The following NRXN3 variants were observed in gnomAD, a reference collection of about 807,000 sequenced individuals.
The protein encoded by NRXN3 is neurexin 3.
NRXN3 carries 32 observed loss-of-function variants against 137.6 expected under a neutral mutation model. The ratio of observed to expected loss-of-function variants is 0.23; its 90% CI spans 0.18 to 0.31. The LOEUF (loss-of-function observed/expected upper bound fraction) is 0.31, where lower values mean the gene tolerates loss of function less well. NRXN3 is among the 10% of genes least tolerant of loss of function. The pLI, the probability that NRXN3 is intolerant of heterozygous loss-of-function variation, is 1.00. For synonymous variants in NRXN3, 798 were observed against 784.5 expected, an observed-to-expected ratio of 1.02 and a Z score of -0.29; for missense variants, 1,574 against 2,062.5, an observed-to-expected ratio of 0.76 and a Z score of 4.59.
intron 4 of NRXN3, among the ~76,000 whole-genome samples, chr14:78,468,411 A>G (rs1200267539): frequency 6.6e-6 from 1 of 152,070 alleles, no homozygotes; most frequent in African/African-American, 2.4e-5. Flanking sequence ...GCCTTGTCTG[A>G]GATGGTTTGG....
At chr14:78,733,046 A>G (rs2098523880) in intron 8 of NRXN3, among the ~76,000 whole-genome samples, 1 of 152,080 alleles carries the variant, frequency 6.6e-6, no homozygotes, top group Non-Finnish European at 1.5e-5. Context: ...TTTTGGTTCC[A>G]TTCTTTGTAA....
chr14:78,256,196 A>C lies in NRXN3; in HGVS notation c.709+12394A>C, dbSNP rs74065959. On this transcript the variant is annotated intron_variant, in intron 2 of 20. Coordinates refer to ENST00000335750, the MANE Select transcript of NRXN3 (RefSeq NM_001330195.2). ...TGTTTGAGGCAGGCACGTTGTTGTC[A>C]CTGGAGATGGAGAGGCCCCACTCGC... Among the ~76,000 whole-genome samples the C allele has an allele frequency of 2.5e-3, 386 of 152,188 alleles. 2 individuals carry two copies. Among genetic ancestry groups the C allele is most frequent in the African/African-American group, 9.0e-3 (375 of 41,516 alleles).
intron 4 of NRXN3, among the ~76,000 whole-genome samples, chr14:78,320,793 G>C (rs2079242197): frequency 6.6e-6 from 1 of 152,124 alleles, no homozygotes; most frequent in Admixed American, 6.5e-5. Flanking sequence ...AGGAAATCGA[G>C]GTTTAAAGAG....
chr14:78,254,582 G>A (rs2069194844), intron 2 of NRXN3, among the ~76,000 whole-genome samples: 1 of 152,018 alleles, frequency 6.6e-6, no homozygotes, highest in East Asian at 1.9e-4. Context: ...GGGAGGCTGA[G>A]GCAGGAGAAT....
chr14:78,814,637 CA>C (rs2098925940), intron 10 of NRXN3, among the ~76,000 whole-genome samples: 5 of 152,022 alleles, frequency 3.3e-5, no homozygotes, highest in Admixed American at 2.0e-4. Flanking sequence ...AAAACAAAAG[CA>C]AAAAGAACCA....
intron 15 of NRXN3, among the ~76,000 whole-genome samples, chr14:79,300,324 AAAAC>A (rs1406316948): frequency 2.0e-5 from 3 of 152,102 alleles, no homozygotes; most frequent in Non-Finnish European, 4.4e-5. Context: ...CTATTGCTAC[AAAAC>A]AAACAACACT....
chr14:79,762,775 T>C (rs1326849950), intron 19 of NRXN3, among the ~76,000 whole-genome samples: 2 of 151,760 alleles, frequency 1.3e-5, no homozygotes, highest in Admixed American at 1.3e-4. Flanking sequence ...TTTCATCTTC[T>C]CATTATCACC....
At chr14:79,508,071 A>G (rs2096894720) in intron 16 of NRXN3, among the ~76,000 whole-genome samples, 1 of 152,098 alleles carries the variant, frequency 6.6e-6, no homozygotes, top group Non-Finnish European at 1.5e-5. Context: ...TTTGGGCTCT[A>G]TTTTGGGCTG....
chr14:79,347,047 G>C (rs2092922555), intron 15 of NRXN3, among the ~76,000 whole-genome samples: 1 of 152,120 alleles, frequency 6.6e-6, no homozygotes, highest in Non-Finnish European at 1.5e-5. Context: ...TACGTGAGTT[G>C]GAGCAAAACT....
At chr14:79,801,222 G>A (rs1603537223) in intron 19 of NRXN3, among the ~76,000 whole-genome samples, 1 of 152,300 alleles carries the variant, frequency 6.6e-6, no homozygotes, top group East Asian at 1.9e-4. Context: ...AGATTGTCTA[G>A]ATTCACAGCC....
rs1220158600 is a variant in NRXN3, at chr14:78,357,397, G to T, written c.757+59537G>T. Among the ~76,000 whole-genome samples, 3 of 152,188 alleles carry T rather than the reference G, an allele frequency of 2.0e-5. No individual in the cohort carries two copies. The East Asian group carries it at 5.8e-4, about 29-fold the overall frequency. On this transcript the variant is annotated intron_variant, in intron 4 of 20. Transcript: ENST00000335750. ...TCCCACCAGGTTCTTCCCACCACAT[G>T]TGGGAATTGTGGGAGTTACAATTCT...
intron 4 of NRXN3, among the ~76,000 whole-genome samples, chr14:78,408,731 T>C (rs1171274348): frequency 6.6e-6 from 1 of 152,200 alleles, no homozygotes; most frequent in South Asian, 2.1e-4. Flanking sequence ...ACGAGGGTGA[T>C]GGTTTTCAAA....
At chr14:79,504,655 G>GTGTA (rs1555491976) in intron 16 of NRXN3, among the ~76,000 whole-genome samples, 2 of 104,220 alleles carry the variant, frequency 1.9e-5, no homozygotes, top group African/African-American at 3.4e-5. Context: ...ATATATATAT[G>GTGTA]TATATATATA....
chr14:79,135,589 T>C (rs891966508), intron 15 of NRXN3, among the ~76,000 whole-genome samples: 2 of 152,116 alleles, frequency 1.3e-5, no homozygotes, highest in African/African-American at 4.8e-5. Flanking sequence ...TTCTTGACAA[T>C]CCACAGTATC....
intron 15 of NRXN3, among the ~76,000 whole-genome samples, chr14:79,314,731 C>T (rs892155950): frequency 2.0e-5 from 3 of 146,490 alleles, no homozygotes; most frequent in Non-Finnish European, 3.0e-5. Context: ...GACGGGCAGA[C>T]TGCCTCCTCA....
At chr14:79,700,243 C>T in intron 19 of NRXN3, among the ~76,000 whole-genome samples, 1 of 151,858 alleles carries the variant, frequency 6.6e-6, no homozygotes, top group East Asian at 1.9e-4. Flanking sequence ...CATTAATATG[C>T]CTATGTGACC....
At chr14:79,505,214 T>C (rs1314064421) in intron 16 of NRXN3, among the ~76,000 whole-genome samples, 5 of 97,224 alleles carry the variant, frequency 5.1e-5, no homozygotes, top group Non-Finnish European at 1.0e-4. Flanking sequence ...AAACTCCATC[T>C]CAAAAAAAAA....
chr14:78,723,600 C>T (rs545411155), intron 8 of NRXN3, among the ~76,000 whole-genome samples: 1 of 152,302 alleles, frequency 6.6e-6, no homozygotes, highest in African/African-American at 2.4e-5. Context: ...CTCACCTTCT[C>T]TCTGTGCCTC....
chr14:79,405,655 C>T lies in NRXN3; in HGVS notation c.3263-61566C>T, dbSNP rs1041266599. Reference sequence around the variant, plus strand: ...TGAGGAAAAAGGATCTTGGATCTCCCGACTCCCTAGAGGGGAAAATAACTC... The same window carrying T: ...TGAGGAAAAAGGATCTTGGATCTCCTGACTCCCTAGAGGGGAAAATAACTC... On this transcript the variant is annotated intron_variant, in intron 15 of 20. Coordinates refer to ENST00000335750, the MANE Select transcript of NRXN3 (RefSeq NM_001330195.2). Among the ~76,000 whole-genome samples the T allele has an allele frequency of 2.6e-5, 4 of 152,108 alleles. No homozygotes were observed. The East Asian group carries it at 5.8e-4, about 22-fold the overall frequency.
Sources: allele counts gnomAD v4.1 joint callset (sites outside exome capture counted in the v4.1 genomes callset), GRCh38; gene constraint gnomAD v4.1.1; transcripts MANE v1.5; gene names NCBI Gene and HGNC (gene_info 2026-07-23, HGNC 2026-07-21).